The following GEMIN7 variants were observed in gnomAD, a reference collection of about 807,000 sequenced individuals.
GEMIN7 encodes the protein gem-associated protein 7.
Under a neutral mutation model 7.8 loss-of-function variants are expected in GEMIN7, and 7 were observed. That is an observed-to-expected ratio of 0.90 (90% CI 0.51 to 1.69). The LOEUF is 1.69. Among genes scored for constraint, GEMIN7 ranks in the 40% most tolerant of loss-of-function variants. GEMIN7 has a pLI of 0.00. For synonymous variants in GEMIN7, 68 were observed against 72.4 expected (o/e 0.94, Z 0.31); for missense variants, 159 against 176.2 (o/e 0.90, Z 0.55).
At chr19:45,075,909 G>A (rs202235786), upstream of GEMIN7, 92 of 1,608,686 alleles carry the variant, frequency 5.7e-5, no homozygotes, top group Non-Finnish European at 7.3e-5. Context: ...GCCAGGATGG[G>A]GGCTGAGGGT....
Position 45,090,503 on chromosome 19 carries a change from A to T in GEMIN7, c.389A>T (p.Lys130Met), listed in dbSNP as rs1488758424. ...RCSDIISYTF[K>M]P ...AGTGACATTATTTCATATACCTTCA[A>T]GCCATAAAGATATTGTGTTCACTTT... The change falls in exon 3 of 3, where the codon AAG becomes ATG. Residue 130 changes from lysine (K) to methionine (M), a missense_variant. By Grantham distance (95) the Lys-to-Met change is moderately conservative. Transcript: ENST00000270257. 1 of 1,604,932 alleles carries T rather than the reference A, an allele frequency of 6.2e-7. No individual in the cohort carries two copies. The highest frequency in any genetic ancestry group is 8.5e-7 in the Non-Finnish European group (1 of 1,172,968).
rs574373666 is a variant in GEMIN7 at position 45,086,762 on chromosome 19, C to T, written c.-8-3345C>T. ...TAGGCAGCAATTGGGGCTATTTTTC[C>T]ATACAATGGAAGAGAAAACTGTCTC... is the stretch of plus-strand genomic sequence containing the variant. On this transcript the variant is annotated intron_variant, in intron 2 of 2. Transcript: ENST00000270257. 2.4e-4 allele frequency among the ~76,000 whole-genome samples: 36 copies of T among 152,332 alleles called. No homozygotes were observed. The South Asian group carries it at 7.3e-3, about 31-fold the overall frequency.
chr19:45,076,384 C>T (rs780165376), upstream of GEMIN7: 6 of 1,289,572 alleles, frequency 4.7e-6, no homozygotes, highest in Admixed American at 1.4e-4. This position sits in a 1 kb window ranked among gnomAD's most constrained non-coding sequence, Gnocchi z 4.9. Flanking sequence ...GAGTCGCGGG[C>T]CGGGCGAGCG....
At chr19:45,080,679 C>A (rs777057983) in intron 2 of GEMIN7, among the ~76,000 whole-genome samples, 1 of 151,402 alleles carries the variant, frequency 6.6e-6, no homozygotes, top group Non-Finnish European at 1.5e-5. Context: ...GCACCCAGCC[C>A]GAGGAAAGAT....
upstream of GEMIN7, among the ~76,000 whole-genome samples, chr19:45,077,854 T>A (rs1435810850): frequency 4.0e-5 from 6 of 151,602 alleles, no homozygotes; most frequent in Non-Finnish European, 2.9e-5. Context: ...TGCCGCCTCC[T>A]CTGATCACCC....
chr19:45,081,602 G>A (rs953662631), intron 2 of GEMIN7, among the ~76,000 whole-genome samples: 1 of 149,288 alleles, frequency 6.7e-6, no homozygotes, highest in Admixed American at 6.7e-5. Context: ...GTCCATCACC[G>A]AGGGCTCTTG....
At chr19:45,087,406 G>A (rs1050549889) in intron 2 of GEMIN7, among the ~76,000 whole-genome samples, 9 of 151,960 alleles carry the variant, frequency 5.9e-5, no homozygotes, top group Non-Finnish European at 1.0e-4. Context: ...AGCCCCTAAA[G>A]TGCTAGGATT....
rs552125603 is a variant in GEMIN7 at position 45,090,561 on chromosome 19, C to G, written c.*51C>G. The G allele has an allele frequency of 6.5e-7, 1 of 1,533,092 alleles. No individual in the cohort carries two copies. The highest frequency in any genetic ancestry group is 1.2e-5 in the South Asian group (1 of 82,340). The allele number at this position is 1,533,092 out of a possible 1,614,324, so 95.0% of individuals were successfully genotyped here. On this transcript the variant is annotated 3_prime_UTR_variant, in exon 3 of 3. Coordinates refer to ENST00000270257, the MANE Select transcript of GEMIN7 (RefSeq NM_024707.3). ...GAGGCTAAGGCACTGTATCCCAGGCCTCCCAATGTTCCCGAGCCAGGAACT... is the reference window on the plus strand; with the variant it reads ...GAGGCTAAGGCACTGTATCCCAGGCGTCCCAATGTTCCCGAGCCAGGAACT...
chr19:45,085,258 C>G (rs1967642102), intron 2 of GEMIN7: 1 of 152,196 alleles, frequency 6.6e-6, no homozygotes, highest in Admixed American at 6.5e-5. Context: ...ATTCCTTCCT[C>G]CCTCTTTGTG....
intron 2 of GEMIN7, among the ~76,000 whole-genome samples, chr19:45,080,769 T>TG (rs1003762955): frequency 3.5e-4 from 52 of 149,862 alleles, no homozygotes; most frequent in African/African-American, 1.1e-3. Context: ...TTTTTTGTTT[T>TG]TTTTTTTTTT....
chr19:45,084,988 G>C (rs1967632369), intron 2 of GEMIN7, among the ~76,000 whole-genome samples: 1 of 152,234 alleles, frequency 6.6e-6, no homozygotes, highest in Admixed American at 6.5e-5. Context: ...GGTCAGGCTG[G>C]TCTCGAACTC....
upstream of GEMIN7, chr19:45,075,637 C>G (rs1248208024): frequency 3.2e-6 from 5 of 1,554,936 alleles, no homozygotes; most frequent in Middle Eastern, 3.5e-4. Context: ...AGTGCCCTGC[C>G]GTCCAGCCCA....
chr19:45,081,244 A>G (rs904384969), intron 2 of GEMIN7, among the ~76,000 whole-genome samples: 4 of 152,280 alleles, frequency 2.6e-5, no homozygotes, highest in East Asian at 3.9e-4. Flanking sequence ...AAGCAGGCAG[A>G]TCAGGAGTTT....
chr19:45,082,520 T>C (rs979623787), intron 2 of GEMIN7, among the ~76,000 whole-genome samples: 3 of 152,174 alleles, frequency 2.0e-5, no homozygotes, highest in African/African-American at 7.2e-5. Flanking sequence ...GGAACTGGGC[T>C]CTCAGTCCTA....
At position 45,090,242 on chromosome 19, in the gene GEMIN7, A is replaced by C. The variant is rs758077436; in HGVS notation, c.128A>C (p.Glu43Ala). The change falls in exon 3 of 3, where the codon GAG (glutamate) becomes GCG (alanine). Residue 43 changes from glutamate (E) to alanine (A), a missense_variant. Glu to Ala is a moderately radical substitution (Grantham distance 107). Coordinates refer to ENST00000270257, the MANE Select transcript of GEMIN7 (RefSeq NM_024707.3). ...PLRPEVPEIQ[E>A]CPIAQESLES... Reference sequence around the variant, plus strand: ...AGGCCAGAGGTTCCTGAAATCCAGGAGTGTCCCATAGCTCAAGAATCCCTG... The same window carrying C: ...AGGCCAGAGGTTCCTGAAATCCAGGCGTGTCCCATAGCTCAAGAATCCCTG... The C allele has an allele frequency of 6.2e-7, 1 of 1,614,206 alleles. No individual in the cohort carries two copies. The highest frequency in any genetic ancestry group is 8.5e-7 in the Non-Finnish European group (1 of 1,180,038).
At chr19:45,088,605 G>T (rs1032489512) in intron 2 of GEMIN7, 2 of 152,162 alleles carry the variant, frequency 1.3e-5, no homozygotes, top group African/African-American at 4.8e-5. Flanking sequence ...GGGATTATAG[G>T]CATGAGCCAC....
chr19:45,084,382 T>A (rs200468707), intron 2 of GEMIN7, among the ~76,000 whole-genome samples: 9 of 31,116 alleles, frequency 2.9e-4, no homozygotes, highest in Admixed American at 1.4e-3. Flanking sequence ...AAAATAAAAT[T>A]AATTAATTAA....
chr19:45,089,860 A>C (rs1394954938), intron 2 of GEMIN7, among the ~76,000 whole-genome samples: 1 of 152,266 alleles, frequency 6.6e-6, no homozygotes, highest in Non-Finnish European at 1.5e-5. Context: ...ATAAGTTGAG[A>C]TAAAAACATT....
intron 2 of GEMIN7, among the ~76,000 whole-genome samples, chr19:45,087,994 G>A (rs1458607264): frequency 6.9e-6 from 1 of 143,940 alleles, no homozygotes; most frequent in Non-Finnish European, 1.5e-5. Flanking sequence ...CGCCCAGGCT[G>A]GAGTACTGTG....
Sources: allele counts gnomAD v4.1 joint callset (sites outside exome capture counted in the v4.1 genomes callset), GRCh38; gene constraint gnomAD v4.1.1; non-coding constraint Gnocchi (gnomAD v3.1); transcripts MANE v1.5; gene names NCBI Gene and HGNC (gene_info 2026-07-23, HGNC 2026-07-21).